UROS: variants seen among roughly 807,000 people sequenced by gnomAD.
UROS encodes the protein uroporphyrinogen-III synthase.
Under a neutral mutation model 33.0 loss-of-function variants are expected in UROS, and 18 were observed. The observed-to-expected ratio is 0.55, with a 90% CI of 0.38 to 0.81. The LOEUF (loss-of-function observed/expected upper bound fraction) is 0.81. Among genes scored for constraint, UROS ranks in the 30% least tolerant of loss-of-function variants. The probability of loss-of-function intolerance (pLI) is 0.00; values close to 1 mark genes in which losing one functional copy is unlikely to be tolerated. For synonymous variants in UROS, 114 were observed against 121.1 expected (o/e 0.94, Z 0.38); for missense variants, 293 against 314.9 (o/e 0.93, Z 0.53).
intron 2 of UROS, 25 bp downstream of exon 2, chr10:125,816,412 G>T: frequency 6.2e-7 from 1 of 1,613,824 alleles, no homozygotes; most frequent in Non-Finnish European, 8.5e-7. Flanking sequence ...GGACACTGTG[G>T]GATAAGGAGT....
chr10:125,797,997 T>G, intron 7 of UROS, 68 bp downstream of exon 7: 5 of 1,582,452 alleles, frequency 3.2e-6, no homozygotes, highest in Non-Finnish European at 4.3e-6. Flanking sequence ...GCCACCCACT[T>G]CTATCACTGC....
At chr10:125,815,257 C>G in intron 3 of UROS, 127 bp from the exon 4 acceptor site, 1 of 1,013,818 alleles carries the variant, frequency 9.9e-7, no homozygotes, top group Non-Finnish European at 1.5e-6. Flanking sequence ...TCCACCCATC[C>G]CCCCAACACT....
chr10:125,810,502 C>T (rs1225450809), intron 5 of UROS, among the ~76,000 whole-genome samples: 2 of 152,174 alleles, frequency 1.3e-5, no homozygotes, highest in Admixed American at 6.5e-5. Flanking sequence ...TGACCATGGC[C>T]TGGTTACAGA....
chr10:125,802,414 C>T, intron 6 of UROS: 3 of 985,832 alleles, frequency 3.0e-6, no homozygotes, highest in Non-Finnish European at 3.6e-6. Context: ...AAAATGACCC[C>T]CAGCAATCCA....
intron 4 of UROS, among the ~76,000 whole-genome samples, chr10:125,813,004 G>A (rs565967147): frequency 1.1e-4 from 17 of 152,110 alleles, no homozygotes; most frequent in Admixed American, 9.8e-4. Context: ...TTAAATTCAA[G>A]AGCATTCCTC....
At chr10:125,806,431 T>C (rs1852343234) in intron 6 of UROS, among the ~76,000 whole-genome samples, 1 of 152,196 alleles carries the variant, frequency 6.6e-6, no homozygotes, top group African/African-American at 2.4e-5. Context: ...CATCTGACCC[T>C]GGCCTCCCAG....
chr10:125,815,390 A>T (rs1853224535), intron 3 of UROS, among the ~76,000 whole-genome samples: 1 of 152,194 alleles, frequency 6.6e-6, no homozygotes, highest in African/African-American at 2.4e-5. Context: ...ACAGTGAAAC[A>T]CAGGGTGATA....
At chr10:125,789,697 T>G (rs149640691) in intron 9 of UROS, among the ~76,000 whole-genome samples, 2 of 152,320 alleles carry the variant, frequency 1.3e-5, no homozygotes, top group Non-Finnish European at 2.9e-5. Flanking sequence ...GGCACTGGCC[T>G]CATCCACAGG....
At chr10:125,789,328 C>G (rs1850756896) in intron 9 of UROS, 1 of 1,278,186 alleles carries the variant, frequency 7.8e-7, no homozygotes, top group African/African-American at 1.5e-5. Flanking sequence ...GCTCTAGCTG[C>G]AGACAGTTCT....
At chr10:125,815,160 T>G (rs1853193995) in intron 3 of UROS, 30 bp from the exon 4 acceptor site, 1 of 1,610,868 alleles carries the variant, frequency 6.2e-7, no homozygotes, top group Non-Finnish European at 8.5e-7. Flanking sequence ...AAAGACATTT[T>G]ATACGATGGC....
At chr10:125,818,251 G>T (rs1018372420) in intron 1 of UROS, among the ~76,000 whole-genome samples, 5 of 152,184 alleles carry the variant, frequency 3.3e-5, no homozygotes, top group Non-Finnish European at 1.5e-5. Flanking sequence ...GGCAGGCTGA[G>T]GCAGGAGGAT....
In UROS at chr10:125,807,470, C is replaced by T. The variant is rs754414355; in HGVS notation, c.337G>A (p.Asp113Asn). Residue 113 changes from aspartate (D) to asparagine (N), a missense_variant, in exon 6 of 10, where the codon GAT (aspartate) becomes AAT (asparagine). By Grantham distance (23) the Asp-to-Asn change is conservative. Transcript: ENST00000368797. ...TASLVSKIGL[D>N]TEGETCGNAE... is the part of the protein sequence containing the mutation. ...TTTCCACAGGTTTCTCCTTCTGTAT[C>T]CAGGCCAATTTTACTCACTGGAAAA... is the stretch of plus-strand genomic sequence containing the variant. The T allele has an allele frequency of 3.3e-5, 54 of 1,613,894 alleles. No individual in the cohort carries two copies. The highest frequency in any genetic ancestry group is 4.1e-5 in the Non-Finnish European group (48 of 1,179,964).
At chr10:125,789,121 T>C in intron 9 of UROS, 116 bp from the exon 10 acceptor site, 1 of 1,447,874 alleles carries the variant, frequency 6.9e-7, no homozygotes, top group Non-Finnish European at 9.5e-7. Context: ...TTACTGCTCA[T>C]GTGACGTGTT....
chr10:125,788,486 C>G (rs1850697736), downstream of UROS: 1 of 1,051,154 alleles, frequency 9.5e-7, no homozygotes, highest in African/African-American at 1.6e-5. Flanking sequence ...TTTTCTGATT[C>G]ATAGCAGGTT....
At chr10:125,806,901 C>T (rs1852384795) in intron 6 of UROS, among the ~76,000 whole-genome samples, 1 of 152,170 alleles carries the variant, frequency 6.6e-6, no homozygotes, top group African/African-American at 2.4e-5. Context: ...GCCTACAATT[C>T]CATAATTAGT....
At chr10:125,788,521 CCTGT>C, downstream of UROS, 1 of 1,179,614 alleles carries the variant, frequency 8.5e-7, no homozygotes. Context: ...GGTGGGCATA[CCTGT>C]CTCCTCCCTG....
chr10:125,819,612 G>C (rs1353409643), intron 1 of UROS: 1 of 152,314 alleles, frequency 6.6e-6, no homozygotes, highest in Non-Finnish European at 1.5e-5. Context: ...GCTCACTCTG[G>C]TGGGTGGCTC....
intron 6 of UROS, among the ~76,000 whole-genome samples, chr10:125,800,339 C>T (rs1851732563): frequency 6.6e-6 from 1 of 152,180 alleles, no homozygotes; most frequent in African/African-American, 2.4e-5. Flanking sequence ...CCGAATAATG[C>T]CTTTTAACCA....
intron 5 of UROS, among the ~76,000 whole-genome samples, chr10:125,809,490 G>A (rs1219893732): frequency 1.3e-5 from 2 of 152,166 alleles, no homozygotes; most frequent in African/African-American, 2.4e-5. Context: ...AGTACAGTAA[G>A]TCCTCACTTA....
Sources: allele counts gnomAD v4.1 joint callset (sites outside exome capture counted in the v4.1 genomes callset), GRCh38; gene constraint gnomAD v4.1.1; transcripts MANE v1.5; gene names NCBI Gene and HGNC (gene_info 2026-07-23, HGNC 2026-07-21).